STX8: variants seen among roughly 807,000 people sequenced by gnomAD.
The protein encoded by STX8 is syntaxin-8.
Under a neutral mutation model 37.5 loss-of-function variants are expected in STX8, and 23 were observed. That is an observed-to-expected ratio of 0.61 (90% CI 0.44 to 0.87). The LOEUF is 0.87. Among genes scored for constraint, STX8 ranks in the 40% least tolerant of loss-of-function variants. The pLI, the probability that STX8 is intolerant of heterozygous loss-of-function variation, is 0.00. For synonymous variants in STX8, 115 were observed against 99.1 expected (o/e 1.16, Z -0.95); for missense variants, 313 against 284.7 (o/e 1.10, Z -0.71).
intron 7 of STX8, among the ~76,000 whole-genome samples, chr17:9,373,053 G>A (rs1232400789): frequency 1.3e-4 from 19 of 149,736 alleles, no homozygotes; most frequent in Non-Finnish European, 2.4e-4. Flanking sequence ...GCAGTGAGCT[G>A]AGGTCATGCC....
At chr17:9,288,227 C>A (rs375073566) in intron 7 of STX8, among the ~76,000 whole-genome samples, 1 of 128,894 alleles carries the variant, frequency 7.8e-6, no homozygotes, top group African/African-American at 2.8e-5. Context: ...CAAGATACAA[C>A]GCAAAGAACA....
intron 6 of STX8, among the ~76,000 whole-genome samples, chr17:9,484,828 A>T (rs1906514738): frequency 6.6e-6 from 1 of 152,174 alleles, no homozygotes; most frequent in South Asian, 2.1e-4. Flanking sequence ...TTCTGTCTCA[A>T]AAAAAGAGAA....
At chr17:9,351,478 A>G (rs1002896674) in intron 7 of STX8, among the ~76,000 whole-genome samples, 3 of 152,028 alleles carry the variant, frequency 2.0e-5, no homozygotes, top group East Asian at 3.9e-4. Context: ...AAAAACTTAA[A>G]CATGCATCTC....
At chr17:9,492,278 T>A (rs1906884890) in intron 5 of STX8, among the ~76,000 whole-genome samples, 1 of 152,136 alleles carries the variant, frequency 6.6e-6, no homozygotes, top group Non-Finnish European at 1.5e-5. Flanking sequence ...AACTTCACAA[T>A]AAAAAAGAAA....
chr17:9,464,263 A>G (rs1198101132), intron 6 of STX8, among the ~76,000 whole-genome samples: 2 of 150,714 alleles, frequency 1.3e-5, no homozygotes, highest in Non-Finnish European at 3.0e-5. Context: ...CTATAAATAG[A>G]AAGGTGTGGT....
intron 6 of STX8, among the ~76,000 whole-genome samples, chr17:9,403,484 AGAT>A (rs1912696889): frequency 6.6e-6 from 1 of 152,302 alleles, no homozygotes; most frequent in East Asian, 1.9e-4. Context: ...ACTTCAAGTT[AGAT>A]TAACATCTTC....
At chr17:9,416,903 A>T (rs1200469857) in intron 6 of STX8, among the ~76,000 whole-genome samples, 1 of 152,212 alleles carries the variant, frequency 6.6e-6, no homozygotes, top group Admixed American at 6.5e-5. Context: ...ATTATTGTAG[A>T]AGTCAAGATT....
intron 4 of STX8, among the ~76,000 whole-genome samples, chr17:9,519,305 C>T (rs1004041456): frequency 2.6e-5 from 4 of 152,182 alleles, no homozygotes; most frequent in African/African-American, 9.7e-5. Flanking sequence ...GCTGCTTCTT[C>T]TCGTACGCTC....
intron 2 of STX8, among the ~76,000 whole-genome samples, chr17:9,563,028 C>T (rs1172199763): frequency 2.0e-5 from 3 of 151,962 alleles, no homozygotes; most frequent in East Asian, 1.9e-4. Context: ...GTTACATCTA[C>T]GCAATAGAGT....
chr17:9,293,244 T>A (rs1319600635), intron 7 of STX8, among the ~76,000 whole-genome samples: 1 of 152,150 alleles, frequency 6.6e-6, no homozygotes, highest in Admixed American at 6.5e-5. Context: ...GTTGGGTAGA[T>A]CCCATGAATA....
chr17:9,508,623 G>A (rs926096476), intron 4 of STX8, among the ~76,000 whole-genome samples: 6 of 152,098 alleles, frequency 3.9e-5, no homozygotes, highest in East Asian at 3.9e-4. Flanking sequence ...GCCACCATGC[G>A]TGGCTGAATT....
intron 7 of STX8, among the ~76,000 whole-genome samples, chr17:9,321,799 T>A (rs1371667688): frequency 6.6e-6 from 1 of 152,160 alleles, no homozygotes; most frequent in Admixed American, 6.5e-5. Flanking sequence ...ACTACAGGCA[T>A]GAGCCGCCAT....
At chr17:9,272,354 T>C (rs141948608) in intron 7 of STX8, among the ~76,000 whole-genome samples, 119 of 152,298 alleles carry the variant, frequency 7.8e-4, no homozygotes, top group Non-Finnish European at 7.6e-4. Context: ...ACCAGATAAC[T>C]ACCCGGCAGG....
intron 6 of STX8, among the ~76,000 whole-genome samples, chr17:9,398,203 A>C (rs1912476596): frequency 6.6e-6 from 1 of 152,176 alleles, no homozygotes; most frequent in Non-Finnish European, 1.5e-5. Context: ...GGAGAAGCCT[A>C]ACGAACACCA....
In STX8 at chr17:9,348,417, CAA is replaced by C. The variant is rs1190839413; in HGVS notation, c.643+30133_643+30134del. On this transcript the variant is annotated intron_variant, in intron 7 of 7. Coordinates refer to ENST00000306357, the MANE Select transcript of STX8 (RefSeq NM_004853.3). The stretch of plus-strand genomic sequence containing the variant: ...TGGGCAACAGAGCAAGACTCTGTCT[CAA>C]AAAAAAAAAAAAAAAAAAGAATATG... 7.9e-3 allele frequency among the ~76,000 whole-genome samples: 781 copies of C among 99,412 alleles called. 6 individuals carry two copies. The highest frequency in any genetic ancestry group is 0.021 in the African/African-American group (553 of 26,882). The allele number at this position is 99,412 out of a possible 152,430, so 65.2% of individuals were successfully genotyped here. A position where few individuals can be genotyped will look rare whatever the true frequency, so the allele number is the denominator to read the frequency against.
chr17:9,560,840 G>A (rs540571972), intron 2 of STX8, among the ~76,000 whole-genome samples: 2 of 152,090 alleles, frequency 1.3e-5, no homozygotes, highest in South Asian at 4.1e-4. Context: ...AATGTTCATA[G>A]GGGCCTTAAT....
chr17:9,566,365 ATCAGTTC>A (rs1398968890), intron 2 of STX8, among the ~76,000 whole-genome samples: 2 of 152,352 alleles, frequency 1.3e-5, no homozygotes, highest in Admixed American at 6.5e-5. Flanking sequence ...GGGAGTGTAA[ATCAGTTC>A]AGTCATTGTG....
intron 4 of STX8, among the ~76,000 whole-genome samples, chr17:9,505,771 T>G (rs1356117296): frequency 6.6e-6 from 1 of 151,762 alleles, no homozygotes; most frequent in African/African-American, 2.4e-5. Flanking sequence ...TGAAACCCTG[T>G]CTCTAATAAA....
At chr17:9,254,839 G>A (rs60339192) in intron 7 of STX8, among the ~76,000 whole-genome samples, 31,011 of 152,034 alleles carry the variant, frequency 0.2, 3,405 homozygotes, top group Middle Eastern at 0.27. Context: ...ACACACACAC[G>A]CGCACGTGTG....
Sources: gnomAD v4.1 joint callset for allele counts (sites outside exome capture counted in the v4.1 genomes callset) on GRCh38, gnomAD v4.1.1 for gene constraint, MANE v1.5 for transcripts, NCBI Gene and HGNC (gene_info 2026-07-23, HGNC 2026-07-21) for gene names.